Variants in SCN7A observed in about 807,000 individuals in gnomAD.
The protein encoded by SCN7A is sodium channel protein type 7 subunit alpha.
A neutral mutation model predicts 155.2 loss-of-function variants in SCN7A; 138 were observed. The ratio of observed to expected loss-of-function variants is 0.89; its 90% CI spans 0.77 to 1.02. SCN7A has a LOEUF of 1.02. Ranked by LOEUF, SCN7A falls within the 50% of genes least tolerant of loss-of-function variation. The pLI is 0.00. For synonymous variants in SCN7A, 693 were observed against 649.0 expected, an observed-to-expected ratio of 1.07 and a Z score of -1.03; for missense variants, 2,058 against 1,986.6, an observed-to-expected ratio of 1.04 and a Z score of -0.68.
intron 9 of SCN7A, among the ~76,000 whole-genome samples, chr2:166,463,443 C>T (rs1328996275): frequency 1.3e-5 from 2 of 152,114 alleles, no homozygotes; most frequent in African/African-American, 4.8e-5. Context: ...CATTGCTGAC[C>T]CATACTATCT....
At chr2:166,427,140 T>C (rs1355765120) in intron 18 of SCN7A, among the ~76,000 whole-genome samples, 2 of 152,142 alleles carry the variant, frequency 1.3e-5, no homozygotes, top group African/African-American at 4.8e-5. Flanking sequence ...ACATAGCTTC[T>C]GAATTTTTAA....
At chr2:166,421,069 GT>G in intron 20 of SCN7A, 120 bp downstream of exon 20, 3 of 578,122 alleles carry the variant, frequency 5.2e-6, no homozygotes, top group Non-Finnish European at 8.9e-6. Flanking sequence ...GAAACGTAAA[GT>G]TTTTGTTGTA....
At chr2:166,447,314 G>A (rs1252976633) in intron 12 of SCN7A, among the ~76,000 whole-genome samples, 2 of 152,034 alleles carry the variant, frequency 1.3e-5, no homozygotes, top group Admixed American at 1.3e-4. Context: ...GTCTAGAAGG[G>A]ACCTTGAGAT....
At position 166,444,904 on chromosome 2, in the gene SCN7A, T is replaced by TTCAATTTTAA; in HGVS notation, c.1474_1483dup (p.Lys495IlefsTer9). 1 of 1,613,384 alleles carries TTCAATTTTAA rather than the reference T, an allele frequency of 6.2e-7. No individual in the cohort carries two copies. Among genetic ancestry groups the TTCAATTTTAA allele is most frequent in the Non-Finnish European group, 8.5e-7 (1 of 1,179,488 alleles). Reference sequence around the variant, plus strand: ...CATTATAATCCTATGGACAAACTCTTTCAATTTTAACCAACAGGGAGAACA... The same window carrying TTCAATTTTAA: ...CATTATAATCCTATGGACAAACTCTTTCAATTTTAATCAATTTTAACCAACAGGGAGAACA... On this transcript the variant is annotated frameshift_variant, in exon 13 of 26. Transcript: ENST00000643258. LOFTEE classifies it high-confidence loss of function.
At chr2:166,455,150 G>A (rs1702248084) in intron 11 of SCN7A, among the ~76,000 whole-genome samples, 3 of 151,994 alleles carry the variant, frequency 2.0e-5, no homozygotes, top group African/African-American at 7.2e-5. Context: ...CATCCTTTTA[G>A]TACTTTCTAA....
At chr2:166,412,206 C>T (rs1559086486) in intron 23 of SCN7A, among the ~76,000 whole-genome samples, 1 of 151,976 alleles carries the variant, frequency 6.6e-6, no homozygotes, top group Non-Finnish European at 1.5e-5. Flanking sequence ...TTTTCTGGAA[C>T]TCTTCACATA....
intron 5 of SCN7A, among the ~76,000 whole-genome samples, chr2:166,472,754 G>A (rs932468764): frequency 1.3e-5 from 2 of 151,770 alleles, no homozygotes; most frequent in African/African-American, 4.8e-5. Flanking sequence ...TTTTATTACT[G>A]TAGCCATGTA....
At chr2:166,483,540 C>G (rs559764335) in intron 2 of SCN7A, among the ~76,000 whole-genome samples, 1 of 151,816 alleles carries the variant, frequency 6.6e-6, no homozygotes, top group Non-Finnish European at 1.5e-5. Flanking sequence ...GCTCCATGCA[C>G]TACTTGCATT....
intron 1 of SCN7A, among the ~76,000 whole-genome samples, chr2:166,488,330 G>T (rs1703097532): frequency 6.7e-6 from 1 of 148,600 alleles, no homozygotes; most frequent in Admixed American, 6.9e-5. Flanking sequence ...CAACCCAAAT[G>T]ATATTAAATG....
At position 166,456,823 on chromosome 2, in the gene SCN7A, T is replaced by TAGATAGATAG. The variant is rs756534903; in HGVS notation, c.1290+46_1290+47insCTATCTATCT. 223 of 632,538 alleles carry TAGATAGATAG rather than the reference T, an allele frequency of 3.5e-4. No homozygotes were observed. In the East Asian group the frequency reaches 3.9e-3, roughly 11 times the overall value. 39.2% of individuals were successfully genotyped at this position (632,538 alleles called of 1,614,324 possible). A position where few individuals can be genotyped will look rare whatever the true frequency, so the allele number is the denominator to read the frequency against. ...ACTAAAATATATATATATATATATA[T>TAGATAGATAG]ATATATAGATAGATAGATAGATAGA... On this transcript the variant is annotated intron_variant, in intron 11 of 25. Transcript: ENST00000643258.
At position 166,405,399 on chromosome 2, in the gene SCN7A, C is replaced by T; in HGVS notation, c.*181G>A. 1.8e-6 allele frequency: 1 copy of T among 546,614 alleles called. No homozygotes were observed. The highest frequency in any genetic ancestry group is 3.2e-6 in the Non-Finnish European group (1 of 315,838). 33.9% of individuals were successfully genotyped at this position (546,614 alleles called of 1,614,324 possible). A position where few individuals can be genotyped will look rare whatever the true frequency, so the allele number is the denominator to read the frequency against. ...ACTCACTGCAGCAATATTAAGGATT[C>T]TCTTGATTTGTTAGATATAATGCTA... is the stretch of plus-strand genomic sequence containing the variant. On this transcript the variant is annotated 3_prime_UTR_variant, in exon 26 of 26. Transcript: ENST00000643258.
intron 6 of SCN7A, 148 bp downstream of exon 6, chr2:166,472,169 G>T: frequency 2.9e-6 from 2 of 692,330 alleles, no homozygotes; most frequent in Non-Finnish European, 2.3e-6. Flanking sequence ...AGAGGCAGCT[G>T]AGAGAGCTCA....
chr2:166,417,228 C>A (rs1701398722), intron 20 of SCN7A, among the ~76,000 whole-genome samples: 1 of 152,168 alleles, frequency 6.6e-6, no homozygotes, highest in African/African-American at 2.4e-5. Context: ...AATCCCAGCA[C>A]TTTGGGAGGC....
chr2:166,446,629 A>G (rs1392084349), intron 12 of SCN7A, among the ~76,000 whole-genome samples: 1 of 152,208 alleles, frequency 6.6e-6, no homozygotes, highest in Non-Finnish European at 1.5e-5. Context: ...CCAAATACAC[A>G]TCAATGATAG....
chr2:166,409,393 G>C (rs1559084596), intron 25 of SCN7A, among the ~76,000 whole-genome samples: 2 of 151,886 alleles, frequency 1.3e-5, no homozygotes, highest in East Asian at 3.9e-4. Context: ...ATGAAGGGTT[G>C]ACTAAACATT....
At chr2:166,430,642 ATTAT>A (rs1172590660) in intron 16 of SCN7A, among the ~76,000 whole-genome samples, 1 of 151,924 alleles carries the variant, frequency 6.6e-6, no homozygotes, top group East Asian at 1.9e-4. Flanking sequence ...TTGATAAAAG[ATTAT>A]TTAATGGCAT....
At chr2:166,429,378 A>C in intron 16 of SCN7A, 104 bp from the exon 17 acceptor site, 1 of 702,252 alleles carries the variant, frequency 1.4e-6, no homozygotes, top group Non-Finnish European at 2.4e-6. Flanking sequence ...TTTGTACAGA[A>C]ATAATATTAT....
At chr2:166,430,691 A>G (rs1312944390) in intron 16 of SCN7A, among the ~76,000 whole-genome samples, 1 of 151,948 alleles carries the variant, frequency 6.6e-6, no homozygotes, top group Admixed American at 6.6e-5. Flanking sequence ...ATTACAAAAA[A>G]TACAAGTTAC....
chr2:166,489,462 A>C (rs1020195606), intron 1 of SCN7A, among the ~76,000 whole-genome samples: 29 of 152,300 alleles, frequency 1.9e-4, no homozygotes, highest in African/African-American at 6.7e-4. Context: ...AGATATGGAA[A>C]ATTTGCACAC....
Sources: allele counts gnomAD v4.1 joint callset (sites outside exome capture counted in the v4.1 genomes callset), GRCh38; gene constraint gnomAD v4.1.1; transcripts MANE v1.5; gene names NCBI Gene and HGNC (gene_info 2026-07-23, HGNC 2026-07-21).